FAM120B: variants seen among roughly 807,000 people sequenced by gnomAD.
FAM120B encodes the protein family with sequence similarity 120 member B, also known as constitutive coactivator of peroxisome proliferator-activated receptor gamma.
FAM120B carries 83 observed loss-of-function variants against 96.3 expected under a neutral mutation model. That is an observed-to-expected ratio of 0.86 (90% CI 0.72 to 1.03). The LOEUF (loss-of-function observed/expected upper bound fraction) is 1.03. FAM120B is among the 50% of genes least tolerant of loss of function. The pLI, the probability that FAM120B is intolerant of heterozygous loss-of-function variation, is 0.00. For missense variants in FAM120B, 1,027 were observed against 1,121.2 expected (o/e 0.92, Z 1.20); for synonymous variants, 407 against 402.7 (o/e 1.01, Z -0.13).
At chr6:170,353,380 C>T (rs1787701835) in intron 5 of FAM120B, among the ~76,000 whole-genome samples, 1 of 152,208 alleles carries the variant, frequency 6.6e-6, no homozygotes, top group Non-Finnish European at 1.5e-5. Context: ...AAAGGAAGGA[C>T]TCCTTTCTAA....
Position 170,317,226 on chromosome 6 carries a change from G to A in FAM120B, c.-21-144G>A. On this transcript the variant is annotated intron_variant, in intron 1 of 10. Transcript: ENST00000476287. ...TATGTTTGAATTGAGAACTCTTAAG[G>A]CTCCTAACCAGCATATCATGTTACC... 8.0e-6 allele frequency: 5 copies of A among 628,586 alleles called. No individual in the cohort carries two copies. In the South Asian group the frequency reaches 9.1e-5, roughly 11 times the overall value. 38.9% of individuals were successfully genotyped at this position (628,586 alleles called of 1,614,324 possible). A position where few individuals can be genotyped will look rare whatever the true frequency, so the allele number is the denominator to read the frequency against.
At chr6:170,390,333 A>T (rs1790417400) in intron 7 of FAM120B, among the ~76,000 whole-genome samples, 2 of 152,240 alleles carry the variant, frequency 1.3e-5, no homozygotes, top group Admixed American at 6.5e-5. Context: ...TGCTTCTAAT[A>T]AGCCAATAAG....
At chr6:170,352,648 G>A (rs148037107) in intron 5 of FAM120B, among the ~76,000 whole-genome samples, 60 of 152,202 alleles carry the variant, frequency 3.9e-4, no homozygotes, top group African/African-American at 1.4e-3. Flanking sequence ...ACAACTACAT[G>A]GAAATTGAAC....
intron 4 of FAM120B, among the ~76,000 whole-genome samples, chr6:170,333,443 C>G (rs1486008661): frequency 3.3e-5 from 5 of 151,940 alleles, no homozygotes; most frequent in Non-Finnish European, 7.4e-5. Flanking sequence ...GCCATAGCAT[C>G]TCAGATGGAC....
chr6:170,357,625 T>C (rs1788037640), intron 5 of FAM120B, among the ~76,000 whole-genome samples: 1 of 152,188 alleles, frequency 6.6e-6, no homozygotes, highest in South Asian at 2.1e-4. Context: ...AGCCCAGCTG[T>C]GGATATTCGC....
rs116576358 is a variant in FAM120B, at chr6:170,396,133, T to C, written c.2692+554T>C. Among the ~76,000 whole-genome samples, 445 of 152,350 alleles carry C rather than the reference T, an allele frequency of 2.9e-3. 1 individual carries two copies. Among genetic ancestry groups the C allele is most frequent in the African/African-American group, 9.6e-3 (401 of 41,576 alleles). On this transcript the variant is annotated intron_variant, in intron 9 of 10. Coordinates refer to ENST00000476287, the MANE Select transcript of FAM120B (RefSeq NM_032448.3). ...CCGTATAGTTTTGAGAGCCAAACTT[T>C]ATAAACTTTGAAATTACCTAATATT...
chr6:170,396,433 A>T (rs1251817002), intron 9 of FAM120B, among the ~76,000 whole-genome samples: 1 of 152,210 alleles, frequency 6.6e-6, no homozygotes, highest in African/African-American at 2.4e-5. Context: ...CTGACTGTAG[A>T]TGAGAATTGA....
intron 6 of FAM120B, among the ~76,000 whole-genome samples, chr6:170,373,757 C>T (rs1230833611): frequency 6.6e-6 from 1 of 152,134 alleles, no homozygotes; most frequent in Non-Finnish European, 1.5e-5. Flanking sequence ...AGCACTTTTA[C>T]AGTATATTAT....
chr6:170,317,447 A>G lies in FAM120B; in HGVS notation c.57A>G (p.Thr19=), dbSNP rs1020720237. ...FVGSTCPHIC[T]VVNFKELAEH... ...GAAGTACCTGCCCACATATATGTAC[A>G]GTAGTAAATTTCAAAGAACTGGCAG... Residue 19 remains threonine, a synonymous_variant, in exon 2 of 11, where the codon ACA becomes ACG. Transcript: ENST00000476287. The G allele has an allele frequency of 6.2e-7, 1 of 1,614,200 alleles. No homozygotes were observed. Among genetic ancestry groups the G allele is most frequent in the Non-Finnish European group, 8.5e-7 (1 of 1,180,036 alleles).
intron 9 of FAM120B, among the ~76,000 whole-genome samples, chr6:170,403,254 TCAG>T (rs1418631377): frequency 6.6e-6 from 1 of 152,198 alleles, no homozygotes; most frequent in East Asian, 1.9e-4. Context: ...ACTGCTCTCA[TCAG>T]GACTGGAATC....
intron 5 of FAM120B, among the ~76,000 whole-genome samples, chr6:170,355,806 T>C (rs1654226287): frequency 6.6e-6 from 1 of 152,238 alleles, no homozygotes; most frequent in African/African-American, 2.4e-5. Flanking sequence ...GGTTAATATT[T>C]TCTATTTTCT....
At chr6:170,386,240 C>T (rs561323283) in intron 6 of FAM120B, among the ~76,000 whole-genome samples, 1 of 152,170 alleles carries the variant, frequency 6.6e-6, no homozygotes, top group Non-Finnish European at 1.5e-5. Flanking sequence ...CTGTACCTTC[C>T]TCTCAATTTT....
intron 9 of FAM120B, among the ~76,000 whole-genome samples, chr6:170,399,209 G>A (rs1176412176): frequency 1.4e-5 from 2 of 147,536 alleles, no homozygotes; most frequent in East Asian, 2.0e-4. Context: ...AGAAGTGAGT[G>A]GGAAAGGTAG....
intron 6 of FAM120B, among the ~76,000 whole-genome samples, chr6:170,367,611 T>TGG (rs1788885359): frequency 6.6e-6 from 1 of 152,202 alleles, no homozygotes; most frequent in African/African-American, 2.4e-5. Context: ...GGGAGCCCCA[T>TGG]GCTTTTGTCT....
chr6:170,367,844 C>T (rs1317950391), intron 6 of FAM120B, among the ~76,000 whole-genome samples: 1 of 152,096 alleles, frequency 6.6e-6, no homozygotes, highest in East Asian at 1.9e-4. Context: ...ATATAAATTC[C>T]CTGACTCTTG....
rs570416580 is a variant in FAM120B, at chr6:170,348,228, G to T, written c.2095G>T (p.Ala699Ser). 6.2e-7 allele frequency: 1 copy of T among 1,614,086 alleles called. No homozygotes were observed. The highest frequency in any genetic ancestry group is 2.2e-5 in the East Asian group (1 of 44,882). ...IQVRRLDTLL[A>S]CFNLSSSREE... ...GGTTCGGCGCTTGGACACACTCCTA[G>T]CCTGTTTCAATCTTTCCTCCTCAAG... The change falls in exon 5 of 11, where the codon GCC becomes TCC. Residue 699 changes from alanine to serine, a missense_variant. Ala to Ser is a moderately conservative substitution (Grantham distance 99). Coordinates refer to ENST00000476287, the MANE Select transcript of FAM120B (RefSeq NM_032448.3).
intron 1 of FAM120B, among the ~76,000 whole-genome samples, chr6:170,309,380 A>C (rs1411633111): frequency 6.6e-6 from 1 of 152,240 alleles, no homozygotes; most frequent in Admixed American, 6.5e-5. Context: ...AGTGATGTAC[A>C]AAGAGGTTAA....
At chr6:170,355,139 A>G (rs918493306) in intron 5 of FAM120B, among the ~76,000 whole-genome samples, 5 of 152,084 alleles carry the variant, frequency 3.3e-5, no homozygotes, top group Admixed American at 1.3e-4. Context: ...AATTAGTTCA[A>G]CAATTGTGGA....
chr6:170,374,125 A>G (rs985822654), intron 6 of FAM120B, among the ~76,000 whole-genome samples: 2 of 152,148 alleles, frequency 1.3e-5, no homozygotes, highest in Admixed American at 1.3e-4. Context: ...CTTGGGTTAA[A>G]CTTCCCCTCT....
Sources: allele counts gnomAD v4.1 joint callset (sites outside exome capture counted in the v4.1 genomes callset), GRCh38; gene constraint gnomAD v4.1.1; transcripts MANE v1.5; gene names NCBI Gene and HGNC (gene_info 2026-07-23, HGNC 2026-07-21).